Variants in LUC7L observed in about 807,000 individuals in gnomAD.
LUC7L encodes putative RNA-binding protein Luc7-like 1.
In LUC7L, 29 loss-of-function variants were observed where a neutral mutation model predicts 51.1. The observed-to-expected ratio is 0.57, with a 90% CI of 0.42 to 0.77. The LOEUF (loss-of-function observed/expected upper bound fraction) is 0.77, where lower values mean the gene tolerates loss of function less well. Among genes scored for constraint, LUC7L ranks in the 30% least tolerant of loss-of-function variants. The pLI, the probability that LUC7L is intolerant of heterozygous loss-of-function variation, is 0.00. For missense variants in LUC7L, 403 were observed against 511.9 expected, an observed-to-expected ratio of 0.79 and a Z score of 2.05; for synonymous variants, 181 against 180.7, an observed-to-expected ratio of 1.00 and a Z score of -0.01.
chr16:196,190 C>T (rs2049143774), intron 6 of LUC7L, among the ~76,000 whole-genome samples: 1 of 152,090 alleles, frequency 6.6e-6, no homozygotes, highest in African/African-American at 2.4e-5. Context: ...GGTGGATCAC[C>T]TGAGCTCAGG....
rs1408613657 is a variant in LUC7L, at chr16:229,392, G to A, written c.-53C>T. The A allele has an allele frequency of 4.2e-6, 6 of 1,419,656 alleles. No individual in the cohort carries two copies. Among genetic ancestry groups the A allele is most frequent in the South Asian group, 4.1e-5 (3 of 72,822 alleles). 87.9% of individuals were successfully genotyped at this position (1,419,656 alleles called of 1,614,324 possible). A position where few individuals can be genotyped will look rare whatever the true frequency, so the allele number is the denominator to read the frequency against. On this transcript the variant is annotated 5_prime_UTR_variant, in exon 1 of 10. Coordinates refer to ENST00000293872, the MANE Select transcript of LUC7L (RefSeq NM_201412.3). ...CCGCGACGACTTCTCTCAGGCAGGC[G>A]GTGGCAGCGGCGTCGACAAACGATG...
intron 2 of LUC7L, 45 bp from the exon 3 acceptor site, chr16:220,792 T>C (rs1357392760): frequency 3.8e-6 from 5 of 1,307,976 alleles, no homozygotes; most frequent in Admixed American, 3.6e-5. Context: ...GCCTACCTAC[T>C]GTAGAAAGCA....
chr16:200,710 A>C (rs2049299056), intron 5 of LUC7L, among the ~76,000 whole-genome samples: 1 of 152,136 alleles, frequency 6.6e-6, no homozygotes, highest in South Asian at 2.1e-4. Flanking sequence ...AGCAAGACTC[A>C]GTCTCTAAAA....
intron 6 of LUC7L, among the ~76,000 whole-genome samples, chr16:198,159 G>T (rs1230596034): frequency 6.6e-6 from 1 of 151,508 alleles, no homozygotes; most frequent in Non-Finnish European, 1.5e-5. Flanking sequence ...GGCACCTGTA[G>T]TCCCAGCTAC....
chr16:192,322 A>G (rs1478094488), intron 7 of LUC7L, among the ~76,000 whole-genome samples: 1 of 151,864 alleles, frequency 6.6e-6, no homozygotes, highest in Non-Finnish European at 1.5e-5. Flanking sequence ...GCCAAAGGGG[A>G]GCAGGCACCA....
intron 3 of LUC7L, among the ~76,000 whole-genome samples, chr16:215,648 A>G (rs9673892): frequency 2.0e-5 from 3 of 151,186 alleles, no homozygotes; most frequent in African/African-American, 7.3e-5. Context: ...AAGAAAATAC[A>G]GAAAATTGGC....
Position 195,692 on chromosome 16 carries a change from G to C in LUC7L, c.688-2677C>G, listed in dbSNP as rs114645427. On this transcript the variant is annotated intron_variant, in intron 6 of 9. Coordinates refer to ENST00000293872, the MANE Select transcript of LUC7L (RefSeq NM_201412.3). ...TCCTGCCTTGGCCTCCTAAAGACTGGAATTACAGGCGTGAGCCACCACACC... is the reference window on the plus strand; with the variant it reads ...TCCTGCCTTGGCCTCCTAAAGACTGCAATTACAGGCGTGAGCCACCACACC... 7.2e-3 allele frequency among the ~76,000 whole-genome samples: 1,098 copies of C among 152,222 alleles called. 15 individuals are homozygous for C. The highest frequency in any genetic ancestry group is 0.025 in the African/African-American group (1,056 of 41,542).
At chr16:200,810 A>T (rs2049302154) in intron 5 of LUC7L, among the ~76,000 whole-genome samples, 1 of 144,308 alleles carries the variant, frequency 6.9e-6, no homozygotes, top group Non-Finnish European at 1.5e-5. Flanking sequence ...TGAGCCCAGG[A>T]GGTTGAAGGG....
chr16:223,499 A>G (rs917273930), intron 2 of LUC7L, among the ~76,000 whole-genome samples: 8 of 152,282 alleles, frequency 5.3e-5, no homozygotes, highest in East Asian at 1.9e-4. Flanking sequence ...TATTTTGACG[A>G]AAGATTGACT....
Position 208,218 on chromosome 16 carries a change from CAAT to C in LUC7L, c.256-33_256-31del, listed in dbSNP as rs762030394. On this transcript the variant is annotated intron_variant, in intron 3 of 9. Transcript: ENST00000293872. The stretch of plus-strand genomic sequence containing the variant: ...CACGGGAAAAGCACAGCGCTATAAT[CAAT>C]GATGTGTAAAGCGTAAAGTCTTAGA... 1.0e-5 allele frequency: 15 copies of C among 1,477,132 alleles called. No homozygotes were observed. In the African/African-American group the frequency reaches 1.7e-4, roughly 16 times the overall value. 91.5% of individuals were successfully genotyped at this position (1,477,132 alleles called of 1,614,324 possible).
At chr16:189,867 G>C (rs2048963390) in intron 9 of LUC7L, 101 bp downstream of exon 9, 1 of 1,519,164 alleles carries the variant, frequency 6.6e-7, no homozygotes, top group South Asian at 1.3e-5. Flanking sequence ...CTGAGGGTGA[G>C]CCCAGCCCCA....
chr16:228,929 G>T (rs1274133858), intron 1 of LUC7L: 3 of 1,379,550 alleles, frequency 2.2e-6, no homozygotes, highest in Non-Finnish European at 2.9e-6. Context: ...GGCTGCCAGC[G>T]ACCTGGAGCC....
chr16:228,753 A>T lies in LUC7L; in HGVS notation c.61+526T>A, dbSNP rs760311737. The T allele has an allele frequency of 6.3e-6, 8 of 1,265,638 alleles. No homozygotes were observed. In the South Asian group the frequency reaches 1.0e-4, roughly 16 times the overall value. The allele number at this position is 1,265,638 out of a possible 1,614,324, so 78.4% of individuals were successfully genotyped here. A position where few individuals can be genotyped will look rare whatever the true frequency, so the allele number is the denominator to read the frequency against. ...AGAGGCTCTCCTGTGTGCTGGGGGG[A>T]AGGGGGCAGCTGGAAAAGTACTTGG... is the stretch of plus-strand genomic sequence containing the variant. On this transcript the variant is annotated intron_variant, in intron 1 of 9. Coordinates refer to ENST00000293872, the MANE Select transcript of LUC7L (RefSeq NM_201412.3).
chr16:221,893 C>G (rs1445165726), intron 2 of LUC7L, among the ~76,000 whole-genome samples: 2 of 152,136 alleles, frequency 1.3e-5, no homozygotes, highest in African/African-American at 4.8e-5. Flanking sequence ...CTTTGTGTAG[C>G]TGATTGTGTA....
chr16:194,950 G>A (rs2049109689), intron 6 of LUC7L, among the ~76,000 whole-genome samples: 1 of 152,166 alleles, frequency 6.6e-6, no homozygotes, highest in South Asian at 2.1e-4. Flanking sequence ...TCTCCATCCA[G>A]AGAGCCACGA....
At chr16:219,869 C>CA (rs35408573) in intron 3 of LUC7L, among the ~76,000 whole-genome samples, 1,767 of 115,300 alleles carry the variant, frequency 0.015, 17 homozygotes, top group Middle Eastern at 0.037. Flanking sequence ...AACTCCGTCT[C>CA]AAAAAAAAAA....
chr16:203,196 C>A (rs1258643361), intron 5 of LUC7L, among the ~76,000 whole-genome samples: 1 of 152,050 alleles, frequency 6.6e-6, no homozygotes, highest in Non-Finnish European at 1.5e-5. Flanking sequence ...AAAACTCACA[C>A]AAGAAGAAAC....
intron 4 of LUC7L, 95 bp from the exon 5 acceptor site, chr16:206,242 A>G: frequency 8.1e-7 from 1 of 1,235,636 alleles, no homozygotes; most frequent in Non-Finnish European, 1.2e-6. Flanking sequence ...CAGTCTGAAA[A>G]TAAGTGGAAG....
intron 2 of LUC7L, among the ~76,000 whole-genome samples, chr16:223,736 C>T (rs536348664): frequency 2.6e-5 from 4 of 151,892 alleles, no homozygotes; most frequent in Non-Finnish European, 4.4e-5. Flanking sequence ...GTGGCACGAT[C>T]TCAGCTCACT....
Sources: gnomAD v4.1 joint callset for allele counts (sites outside exome capture counted in the v4.1 genomes callset) on GRCh38, gnomAD v4.1.1 for gene constraint, MANE v1.5 for transcripts, NCBI Gene and HGNC (gene_info 2026-07-23, HGNC 2026-07-21) for gene names.